The following SNX27 variants were observed in gnomAD, a reference collection of about 807,000 sequenced individuals.
The protein encoded by SNX27 is sorting nexin-27.
In SNX27, 22 loss-of-function variants were observed where a neutral mutation model predicts 71.6. That is an observed-to-expected ratio of 0.31 (90% confidence interval 0.22 to 0.44). The LOEUF is 0.44. SNX27 is among the 20% of genes least tolerant of loss of function. The pLI is 1.00. For missense variants in SNX27, 531 were observed against 698.6 expected, an observed-to-expected ratio of 0.76 and a Z score of 2.70; for synonymous variants, 269 against 277.2, an observed-to-expected ratio of 0.97 and a Z score of 0.29.
chr1:151,666,072 C>T lies in SNX27; in HGVS notation c.985+61C>T, dbSNP rs1670177059. 4.4e-6 allele frequency: 6 copies of T among 1,351,286 alleles called. No homozygotes were observed. The East Asian group carries it at 1.4e-4, about 31-fold the overall frequency. The allele number at this position is 1,351,286 out of a possible 1,614,324, so 83.7% of individuals were successfully genotyped here. Reference sequence around the variant, plus strand: ...TAATACTATGAGAAAGAAACATTTACCTAGAGAAGAGCTTGAAGACAAGGG... The same window carrying T: ...TAATACTATGAGAAAGAAACATTTATCTAGAGAAGAGCTTGAAGACAAGGG... On this transcript the variant is annotated intron_variant, in intron 6 of 11. Coordinates refer to ENST00000458013, the MANE Select transcript of SNX27 (RefSeq NM_001330723.2).
Position 151,694,585 on chromosome 1 carries a change from C to T in SNX27, c.*168C>T, listed in dbSNP as rs1301750683. On this transcript the variant is annotated 3_prime_UTR_variant, in exon 12 of 12. Coordinates refer to ENST00000458013, the MANE Select transcript of SNX27 (RefSeq NM_001330723.2). ...ATAACCCCCTCTGAATTTCATGTCT[C>T]TGGAATTGAGGTGGTAGTGAACAGC... The T allele has an allele frequency of 1.5e-6, 1 of 658,204 alleles. No individual in the cohort carries two copies. The allele number at this position is 658,204 out of a possible 1,614,324, so 40.8% of individuals were successfully genotyped here.
intron 7 of SNX27, among the ~76,000 whole-genome samples, chr1:151,673,974 GT>G (rs200146309): frequency 2.0e-5 from 3 of 150,908 alleles, no homozygotes; most frequent in Admixed American, 6.6e-5. Context: ...AGTGGTTCTT[GT>G]TTTTTTTTAT....
At position 151,666,021 on chromosome 1, in the gene SNX27, A is replaced by T. The variant is rs1294283370; in HGVS notation, c.985+10A>T. On this transcript the variant is annotated intron_variant, in intron 6 of 11. Coordinates refer to ENST00000458013, the MANE Select transcript of SNX27 (RefSeq NM_001330723.2). ...ATCAGTCACTCCTTTGGTAAGTACC[A>T]GTGGCTGATACTAAGTTTTGTTTTC... 1.2e-6 allele frequency: 2 copies of T among 1,602,920 alleles called. No homozygotes were observed. Among genetic ancestry groups the T allele is most frequent in the South Asian group, 2.2e-5 (2 of 90,132 alleles).
chr1:151,682,762 C>T (rs1331185564), intron 7 of SNX27, among the ~76,000 whole-genome samples: 6 of 152,094 alleles, frequency 3.9e-5, no homozygotes, highest in South Asian at 2.1e-4. Context: ...AGGCCAGGTG[C>T]GGTGTCTCAT....
intron 2 of SNX27, among the ~76,000 whole-genome samples, chr1:151,641,816 GAT>G (rs1225414396): frequency 1.5e-5 from 2 of 134,802 alleles, no homozygotes; most frequent in African/African-American, 5.5e-5. Context: ...ATATATATGA[GAT>G]ATATATGTCA....
chr1:151,644,114 G>A (rs558408360), intron 2 of SNX27, among the ~76,000 whole-genome samples: 46 of 152,306 alleles, frequency 3.0e-4, no homozygotes, highest in South Asian at 1.2e-3. Flanking sequence ...AGTTCCCAAG[G>A]TTTTAGGTAA....
At chr1:151,613,023 C>T (rs1487809584) in intron 1 of SNX27, among the ~76,000 whole-genome samples, 1 of 152,010 alleles carries the variant, frequency 6.6e-6, no homozygotes, top group African/African-American at 2.4e-5. Context: ...TAGGCAGGAC[C>T]TCTGGTCTGC....
intron 11 of SNX27, 42 bp downstream of exon 11, chr1:151,693,525 G>A (rs1246765160): frequency 1.2e-6 from 2 of 1,613,550 alleles, no homozygotes; most frequent in Admixed American, 3.3e-5. Flanking sequence ...TCATCTTTTT[G>A]TTTCTTTAAA....
chr1:151,694,481 A>T lies in SNX27; in HGVS notation c.*64A>T. On this transcript the variant is annotated 3_prime_UTR_variant, in exon 12 of 12. Coordinates refer to ENST00000458013, the MANE Select transcript of SNX27 (RefSeq NM_001330723.2). ...TCTTACTCCTTTCATGTCCCATTTC[A>T]GACAGAGTAACCATTAACAAAAAAG... 1 of 1,466,942 alleles carries T rather than the reference A, an allele frequency of 6.8e-7. No homozygotes were observed. The highest frequency in any genetic ancestry group is 2.5e-5 in the East Asian group (1 of 39,928). The allele number at this position is 1,466,942 out of a possible 1,614,324, so 90.9% of individuals were successfully genotyped here. A position where few individuals can be genotyped will look rare whatever the true frequency, so the allele number is the denominator to read the frequency against.
At chr1:151,630,482 C>T (rs1008425265) in intron 1 of SNX27, among the ~76,000 whole-genome samples, 1 of 152,004 alleles carries the variant, frequency 6.6e-6, no homozygotes, top group African/African-American at 2.4e-5. Flanking sequence ...AAACTTTGGC[C>T]ATTTACTTTC....
intron 1 of SNX27, among the ~76,000 whole-genome samples, chr1:151,624,470 C>T (rs546388797): frequency 2.4e-3 from 322 of 136,844 alleles, no homozygotes; most frequent in Middle Eastern, 4.6e-3. Context: ...CTTGCTCTGT[C>T]GCCCAGGCTG....
intron 7 of SNX27, chr1:151,677,593 A>C (rs1348213600): frequency 6.6e-6 from 1 of 152,066 alleles, no homozygotes; most frequent in Non-Finnish European, 1.5e-5. Flanking sequence ...AAAATTGAGA[A>C]GGTATCTCGC....
intron 1 of SNX27, among the ~76,000 whole-genome samples, chr1:151,631,613 T>A (rs936624715): frequency 3.3e-5 from 5 of 152,232 alleles, no homozygotes; most frequent in African/African-American, 1.2e-4. Flanking sequence ...TCTCTAATGT[T>A]GGATATTATT....
Position 151,664,986 on chromosome 1 carries a change from GTTCC to G in SNX27, c.907-945_907-942del, listed in dbSNP as rs1255844736. On this transcript the variant is annotated intron_variant, in intron 5 of 11. Transcript: ENST00000458013. ...TAATTTAGAATGCTTATAATGTCCAGTTCCTCTATCACATAATGGATGAACCTAG... is the reference window on the plus strand; with the variant it reads ...TAATTTAGAATGCTTATAATGTCCAGTCTATCACATAATGGATGAACCTAG... Among the ~76,000 whole-genome samples the G allele has an allele frequency of 2.0e-5, 3 of 152,120 alleles. No individual in the cohort carries two copies. In the South Asian group the frequency reaches 6.2e-4, roughly 32 times the overall value.
At chr1:151,644,322 A>G (rs920041666) in intron 2 of SNX27, among the ~76,000 whole-genome samples, 1 of 152,208 alleles carries the variant, frequency 6.6e-6, no homozygotes, top group Non-Finnish European at 1.5e-5. Flanking sequence ...ATTCTAGGAA[A>G]GCACTAATCT....
rs149116257 is a variant in SNX27, at chr1:151,664,359, G to A, written c.907-1574G>A. ...CTTTGGCCAATGAATGCTCCTTCAT[G>A]TCTGCTCCTGTATGCTTTTGATGCA... On this transcript the variant is annotated intron_variant, in intron 5 of 11. Transcript: ENST00000458013. Among the ~76,000 whole-genome samples the A allele has an allele frequency of 2.1e-3, 315 of 151,824 alleles. 2 individuals are homozygous for A. The highest frequency in any genetic ancestry group is 7.1e-3 in the African/African-American group (296 of 41,414).
chr1:151,651,197 A>C (rs1669328267), intron 2 of SNX27, among the ~76,000 whole-genome samples: 1 of 145,090 alleles, frequency 6.9e-6, no homozygotes, highest in African/African-American at 2.6e-5. Context: ...GGCGCCCCTC[A>C]CCTCCCGGGC....
intron 1 of SNX27, among the ~76,000 whole-genome samples, chr1:151,633,601 T>C (rs1328749551): frequency 6.6e-6 from 1 of 152,210 alleles, no homozygotes; most frequent in Non-Finnish European, 1.5e-5. Context: ...AAAGTTTCTT[T>C]GTGCCCCTTT....
chr1:151,628,232 C>G, intron 1 of SNX27, among the ~76,000 whole-genome samples: 1 of 152,074 alleles, frequency 6.6e-6, no homozygotes, highest in East Asian at 1.9e-4. Flanking sequence ...GTGTCAAACT[C>G]CTGACCTCAG....
Sources: allele counts gnomAD v4.1 joint callset (sites outside exome capture counted in the v4.1 genomes callset), GRCh38; gene constraint gnomAD v4.1.1; transcripts MANE v1.5; gene names NCBI Gene and HGNC (gene_info 2026-07-23, HGNC 2026-07-21).